Variants in KCNH7 observed in about 807,000 individuals in gnomAD.
KCNH7 encodes the protein potassium voltage-gated channel subfamily H member 7, also known as voltage-gated inwardly rectifying potassium channel KCNH7.
KCNH7 carries 49 observed loss-of-function variants against 120.8 expected under a neutral mutation model. The ratio of observed to expected loss-of-function variants is 0.41; its 90% CI spans 0.32 to 0.51. The LOEUF (loss-of-function observed/expected upper bound fraction) is 0.51. KCNH7 is among the 20% of genes least tolerant of loss of function. The probability of loss-of-function intolerance (pLI) is 0.38; values close to 1 mark genes in which losing one functional copy is unlikely to be tolerated. For missense variants in KCNH7, 1,097 were observed against 1,446.6 expected (o/e 0.76, Z 3.92); for synonymous variants, 547 against 516.1 (o/e 1.06, Z -0.81).
intron 3 of KCNH7, among the ~76,000 whole-genome samples, chr2:162,525,093 G>A (rs947336661): frequency 1.3e-5 from 2 of 151,852 alleles, no homozygotes; most frequent in African/African-American, 4.8e-5. Flanking sequence ...CTAGATATGA[G>A]GTTCTTTAAA....
chr2:162,737,722 G>A (rs997652009), intron 2 of KCNH7, among the ~76,000 whole-genome samples: 1 of 152,128 alleles, frequency 6.6e-6, no homozygotes, highest in African/African-American at 2.4e-5. Flanking sequence ...GTCCCCTGCT[G>A]TAAGGTAAAG....
intron 2 of KCNH7, among the ~76,000 whole-genome samples, chr2:162,714,133 C>T (rs979190081): frequency 4.6e-5 from 7 of 152,204 alleles, no homozygotes; most frequent in African/African-American, 2.4e-5. Flanking sequence ...TCCACTATTT[C>T]TGCAGGATTA....
intron 2 of KCNH7, among the ~76,000 whole-genome samples, chr2:162,826,277 T>G (rs921938755): frequency 6.6e-6 from 1 of 152,116 alleles, no homozygotes; most frequent in African/African-American, 2.4e-5. Flanking sequence ...ACTGAGGAGA[T>G]CCAGGGAGGG....
intron 6 of KCNH7, among the ~76,000 whole-genome samples, chr2:162,476,391 C>T (rs1689747360): frequency 6.6e-6 from 1 of 152,148 alleles, no homozygotes; most frequent in South Asian, 2.1e-4. Context: ...TTAATACATT[C>T]AGTAATTCAG....
chr2:162,639,004 T>C (rs1014640251), intron 2 of KCNH7, among the ~76,000 whole-genome samples: 1 of 152,134 alleles, frequency 6.6e-6, no homozygotes, highest in African/African-American at 2.4e-5. Flanking sequence ...TCTTGTGCAT[T>C]GTAGGATGCC....
chr2:162,423,401 T>G lies in KCNH7; in HGVS notation c.2089A>C (p.Arg697=). 2 of 1,614,126 alleles carry G rather than the reference T, an allele frequency of 1.2e-6. No homozygotes were observed. Among genetic ancestry groups the G allele is most frequent in the Non-Finnish European group, 8.5e-7 (1 of 1,179,978 alleles). Residue 697 remains arginine, a synonymous_variant, in exon 9 of 16, where the codon AGG becomes CGG. Transcript: ENST00000332142. ...TGGAAATATTCTTCAAGACGTTGCC[T>G]CAGAGGGTTGGGGATTTGGTGAAAG... The part of the protein sequence containing the change: ...IRFHQIPNPL[R]QRLEEYFQHA...
chr2:162,395,921 C>T (rs1428226623), intron 11 of KCNH7, among the ~76,000 whole-genome samples: 2 of 151,600 alleles, frequency 1.3e-5, no homozygotes, highest in Admixed American at 6.6e-5. Flanking sequence ...CATTTAAATA[C>T]ACTGGCAAGT....
chr2:162,750,361 C>A (rs1423291910), intron 2 of KCNH7, among the ~76,000 whole-genome samples: 3 of 151,628 alleles, frequency 2.0e-5, no homozygotes, highest in East Asian at 1.9e-4. Flanking sequence ...ATAAAAAAAA[C>A]TGGATAAATT....
rs79199435 is a variant in KCNH7 at position 162,610,061 on chromosome 2, G to T, written c.308-72981C>A. ...CTCACTAGCACTTTTACATAACACAGCTGGGTTAAATTGAACCTCAGAATG... is the reference window on the plus strand; with the variant it reads ...CTCACTAGCACTTTTACATAACACATCTGGGTTAAATTGAACCTCAGAATG... On this transcript the variant is annotated intron_variant, in intron 2 of 15. Transcript: ENST00000332142. Among the ~76,000 whole-genome samples the T allele has an allele frequency of 2.0e-5, 3 of 152,172 alleles. No individual in the cohort carries two copies. In the East Asian group the frequency reaches 5.8e-4, roughly 29 times the overall value.
chr2:162,619,844 T>C (rs1235643245), intron 2 of KCNH7, among the ~76,000 whole-genome samples: 1 of 152,088 alleles, frequency 6.6e-6, no homozygotes, highest in Non-Finnish European at 1.5e-5. Context: ...AATCAACTTT[T>C]ATTTATTTGT....
intron 2 of KCNH7, among the ~76,000 whole-genome samples, chr2:162,754,860 A>C (rs1156469128): frequency 6.6e-6 from 1 of 152,158 alleles, no homozygotes; most frequent in African/African-American, 2.4e-5. Context: ...GCTCTTGTGG[A>C]GTGCTTAGAA....
intron 2 of KCNH7, among the ~76,000 whole-genome samples, chr2:162,622,510 T>C (rs141548124): frequency 2.0e-5 from 3 of 152,178 alleles, no homozygotes; most frequent in African/African-American, 7.2e-5. Flanking sequence ...AGAATAGTTA[T>C]AGTTAAGTAG....
intron 2 of KCNH7, among the ~76,000 whole-genome samples, chr2:162,637,113 T>G (rs1050841694): frequency 1.3e-5 from 2 of 152,136 alleles, no homozygotes; most frequent in Non-Finnish European, 2.9e-5. Flanking sequence ...AAATGTGCCT[T>G]CTTGCACCTC....
chr2:162,635,216 T>C (rs1180204653), intron 2 of KCNH7, among the ~76,000 whole-genome samples: 1 of 152,138 alleles, frequency 6.6e-6, no homozygotes, highest in Admixed American at 6.6e-5. Context: ...AAATATTTAA[T>C]GTATGCCAGG....
chr2:162,764,746 C>T (rs1358484166), intron 2 of KCNH7, among the ~76,000 whole-genome samples: 1 of 152,086 alleles, frequency 6.6e-6, no homozygotes, highest in Non-Finnish European at 1.5e-5. Flanking sequence ...CCAATGTAAA[C>T]ATAAATATCT....
chr2:162,477,211 C>A (rs1358682047), intron 6 of KCNH7, among the ~76,000 whole-genome samples: 1 of 152,204 alleles, frequency 6.6e-6, no homozygotes, highest in Non-Finnish European at 1.5e-5. Flanking sequence ...TGACATTCTG[C>A]AGATTTTCCT....
At position 162,425,175 on chromosome 2, in the gene KCNH7, G is replaced by A. The variant is rs961876457; in HGVS notation, c.1955-1640C>T. Among the ~76,000 whole-genome samples, 8 of 152,222 alleles carry A rather than the reference G, an allele frequency of 5.3e-5. No individual in the cohort carries two copies. In the South Asian group the frequency reaches 1.0e-3, roughly 20 times the overall value. Reference sequence around the variant, plus strand: ...ACTGAAAACACATCATGGGCTCTCCGTGGTCTAGACCCAGTTACTGAGTAC... The same window carrying A: ...ACTGAAAACACATCATGGGCTCTCCATGGTCTAGACCCAGTTACTGAGTAC... On this transcript the variant is annotated intron_variant, in intron 8 of 15. Coordinates refer to ENST00000332142, the MANE Select transcript of KCNH7 (RefSeq NM_033272.4).
intron 2 of KCNH7, among the ~76,000 whole-genome samples, chr2:162,715,944 CTT>C (rs1346946717): frequency 3.1e-5 from 4 of 129,202 alleles, no homozygotes; most frequent in African/African-American, 1.1e-4. Context: ...GGGAGCATGT[CTT>C]TGTGTGTGTG....
chr2:162,836,900 T>C (rs758321340), intron 1 of KCNH7, 133 bp from the exon 2 acceptor site: 15 of 584,198 alleles, frequency 2.6e-5, no homozygotes, highest in Admixed American at 1.6e-4. Flanking sequence ...CTCCAGCCCT[T>C]ATGAAAAAAG....
Sources: allele counts gnomAD v4.1 joint callset (sites outside exome capture counted in the v4.1 genomes callset), GRCh38; gene constraint gnomAD v4.1.1; transcripts MANE v1.5; gene names NCBI Gene and HGNC (gene_info 2026-07-23, HGNC 2026-07-21).